The following RGPD2 variants were observed in gnomAD, a reference collection of about 807,000 sequenced individuals.
The protein encoded by RGPD2 is RANBP2-like and GRIP domain-containing protein 2.
In RGPD2, 2 loss-of-function variants were observed where a neutral mutation model predicts 36.0. The observed-to-expected ratio is 0.06, with a 90% CI of 0.02 to 0.17. The LOEUF is 0.17. RGPD2 is among the 10% of genes least tolerant of loss of function. The pLI, the probability that RGPD2 is intolerant of heterozygous loss-of-function variation, is 1.00. For missense variants in RGPD2, 40 were observed against 464.3 expected (o/e 0.09, Z 8.40); for synonymous variants, 19 against 163.8 (o/e 0.12, Z 6.75).
At chr2:87,839,358 A>G in the RGPD2 span, among the ~76,000 whole-genome samples, 1 of 152,102 alleles carries the variant, frequency 6.6e-6, no homozygotes, top group Non-Finnish European at 1.5e-5. Context: ...GGCTATTATC[A>G]AAAAGTCAAA....
the RGPD2 span, among the ~76,000 whole-genome samples, chr2:87,986,239 G>T: frequency 6.6e-6 from 1 of 150,568 alleles, no homozygotes; most frequent in African/African-American, 2.4e-5. Context: ...GAGTTCAAGC[G>T]ATTCTCCTGC....
the RGPD2 span, among the ~76,000 whole-genome samples, chr2:87,921,867 C>G: frequency 6.6e-6 from 1 of 151,956 alleles, no homozygotes; most frequent in Non-Finnish European, 1.5e-5. Context: ...GAAGTGGAAG[C>G]CTGGAGGCAT....
the RGPD2 span, among the ~76,000 whole-genome samples, chr2:87,874,315 G>C: frequency 8.3e-6 from 1 of 120,382 alleles, no homozygotes; most frequent in Non-Finnish European, 1.7e-5. Context: ...AAATGGTATT[G>C]CCTAGATTTT....
the RGPD2 span, among the ~76,000 whole-genome samples, chr2:87,984,027 A>G: frequency 1.3e-5 from 2 of 150,208 alleles, no homozygotes; most frequent in South Asian, 4.3e-4. Flanking sequence ...GACGTTATCA[A>G]ACAGGATTAC....
At chr2:87,878,176 T>C in the RGPD2 span, among the ~76,000 whole-genome samples, 2 of 152,290 alleles carry the variant, frequency 1.3e-5, no homozygotes, top group Non-Finnish European at 2.9e-5. Context: ...CAGTCATAGA[T>C]TTGGTCTCTT....
chr2:87,798,704 A>G (rs1316594773), intron 8 of RGPD2, among the ~76,000 whole-genome samples: 1 of 141,296 alleles, frequency 7.1e-6, no homozygotes. Context: ...AAATACAAAA[A>G]AAAAAAAAAA....
chr2:87,844,344 T>A, the RGPD2 span, among the ~76,000 whole-genome samples: 147 of 144,828 alleles, frequency 1.0e-3, no homozygotes, highest in East Asian at 4.6e-3. Context: ...TGTTTTGCAG[T>A]TATGATATTT....
At chr2:87,839,748 C>G in the RGPD2 span, among the ~76,000 whole-genome samples, 1 of 151,902 alleles carries the variant, frequency 6.6e-6, no homozygotes, top group Non-Finnish European at 1.5e-5. Flanking sequence ...AAACATGGAA[C>G]AGTAAATACC....
the RGPD2 span, among the ~76,000 whole-genome samples, chr2:87,844,542 A>G: frequency 6.7e-6 from 1 of 148,462 alleles, no homozygotes; most frequent in Non-Finnish European, 1.5e-5. Flanking sequence ...TTTACTTTTT[A>G]AAATAATTTC....
the RGPD2 span, among the ~76,000 whole-genome samples, chr2:87,920,363 T>C: frequency 3.3e-5 from 5 of 151,942 alleles, no homozygotes; most frequent in South Asian, 1.0e-3. Context: ...ACTGACTATC[T>C]TTTTAAGTTG....
the RGPD2 span, among the ~76,000 whole-genome samples, chr2:87,869,710 C>T: frequency 4.7e-4 from 72 of 152,224 alleles, no homozygotes; most frequent in South Asian, 0.015. Flanking sequence ...GTATCCAGAC[C>T]TAAATTTGAG....
chr2:87,866,597 C>A, the RGPD2 span, among the ~76,000 whole-genome samples: 2 of 152,282 alleles, frequency 1.3e-5, no homozygotes, highest in Admixed American at 6.5e-5. Context: ...GCGATCCCCA[C>A]CTCTAGCCAA....
chr2:87,988,355 G>A, the RGPD2 span, among the ~76,000 whole-genome samples: 1 of 129,394 alleles, frequency 7.7e-6, no homozygotes, highest in South Asian at 2.8e-4. Flanking sequence ...AAGGCAATTA[G>A]GTTACTTTCA....
chr2:87,877,615 A>C, the RGPD2 span, among the ~76,000 whole-genome samples: 8 of 152,368 alleles, frequency 5.3e-5, no homozygotes, highest in African/African-American at 1.9e-4. Context: ...CATCCTGGCT[A>C]ACACGGTGAA....
chr2:87,837,063 C>A, the RGPD2 span, among the ~76,000 whole-genome samples: 2 of 151,910 alleles, frequency 1.3e-5, no homozygotes, highest in Non-Finnish European at 2.9e-5. Flanking sequence ...AATACAGGAG[C>A]CCCCAGATTC....
chr2:87,854,877 A>G, the RGPD2 span, among the ~76,000 whole-genome samples: 1 of 152,220 alleles, frequency 6.6e-6, no homozygotes, highest in Non-Finnish European at 1.5e-5. Flanking sequence ...ATATTAATTG[A>G]CAAATAAAAA....
At chr2:87,966,446 G>A in the RGPD2 span, among the ~76,000 whole-genome samples, 1 of 147,862 alleles carries the variant, frequency 6.8e-6, no homozygotes, top group Non-Finnish European at 1.5e-5. Context: ...TTAAAACTCT[G>A]CCAGGTTCCC....
At chr2:87,922,292 C>CAAAAAAAAAAAAAAAAAAAAAAACA in the RGPD2 span, among the ~76,000 whole-genome samples, 1 of 84,694 alleles carries the variant, frequency 1.2e-5, no homozygotes, top group African/African-American at 5.1e-5. Flanking sequence ...GACTTCGTCT[C>CAAAAAAAAAAAAAAAAAAAAAAACA]AAAAAAAAAA....
chr2:87,976,282 T>A, the RGPD2 span, among the ~76,000 whole-genome samples: 8 of 152,144 alleles, frequency 5.3e-5, no homozygotes, highest in East Asian at 1.9e-4. Flanking sequence ...GCAATTTTTT[T>A]AATTAAAATT....
Sources: gnomAD v4.1 joint callset for allele counts (sites outside exome capture counted in the v4.1 genomes callset) on GRCh38, gnomAD v4.1.1 for gene constraint, MANE v1.5 for transcripts, NCBI Gene and HGNC (gene_info 2026-07-23, HGNC 2026-07-21) for gene names.